Variants in LIMCH1 observed in about 807,000 individuals in gnomAD.
LIMCH1 encodes the protein LIM and calponin homology domains 1, also known as LIM and calponin homology domains-containing protein 1.
In LIMCH1, 113 loss-of-function variants were observed where a neutral mutation model predicts 176.5. The ratio of observed to expected loss-of-function variants is 0.64; its 90% CI spans 0.55 to 0.75. LIMCH1 has a LOEUF of 0.75. Ranked by LOEUF, LIMCH1 falls within the 30% of genes least tolerant of loss-of-function variation. The pLI, the probability that LIMCH1 is intolerant of heterozygous loss-of-function variation, is 0.00. For synonymous variants in LIMCH1, 619 were observed against 645.9 expected (o/e 0.96, Z 0.63); for missense variants, 1,674 against 1,814.9 (o/e 0.92, Z 1.41).
In LIMCH1 at chr4:41,552,355, C is replaced by T. The variant is rs1199397639; in HGVS notation, c.-241+14005C>T. Among the ~76,000 whole-genome samples the T allele has an allele frequency of 7.2e-5, 11 of 152,156 alleles. 1 individual carries two copies. Among genetic ancestry groups the T allele is most frequent in the Admixed American group, 7.2e-4 (11 of 15,268 alleles). The stretch of plus-strand genomic sequence containing the variant: ...GACAGGGCCCTCTATCTGTGTGGTG[C>T]ATCCTTTATATCTCCATATACTGAT... On this transcript the variant is annotated intron_variant, in intron 1 of 31. Transcript: ENST00000503057.
At chr4:41,499,580 A>G (rs2072856098) in intron 2 of LIMCH1, among the ~76,000 whole-genome samples, 1 of 152,146 alleles carries the variant, frequency 6.6e-6, no homozygotes, top group African/African-American at 2.4e-5. Flanking sequence ...AGCACTTTGG[A>G]AGGGCAAGGT....
intron 5 of LIMCH1, among the ~76,000 whole-genome samples, chr4:41,617,637 G>A (rs763630329): frequency 5.9e-5 from 9 of 152,132 alleles, no homozygotes; most frequent in Non-Finnish European, 1.3e-4. Context: ...AAAGCATGTG[G>A]CATGAATAAT....
At chr4:41,568,802 A>G (rs1334915573) in intron 1 of LIMCH1, among the ~76,000 whole-genome samples, 2 of 152,170 alleles carry the variant, frequency 1.3e-5, no homozygotes, top group East Asian at 3.9e-4. Context: ...AACATTTAAA[A>G]GTTTTCTCTC....
chr4:41,409,684 G>A (rs1040354274), intron 1 of LIMCH1, among the ~76,000 whole-genome samples: 1 of 152,064 alleles, frequency 6.6e-6, no homozygotes, highest in African/African-American at 2.4e-5. Context: ...TATAAATGAG[G>A]TCCCGATACA....
intron 5 of LIMCH1, among the ~76,000 whole-genome samples, chr4:41,618,382 T>C (rs1446019925): frequency 1.3e-5 from 2 of 152,224 alleles, no homozygotes; most frequent in African/African-American, 4.8e-5. Flanking sequence ...TCCTTTGTGT[T>C]GTTTAAAACA....
intron 1 of LIMCH1, among the ~76,000 whole-genome samples, chr4:41,588,865 A>G (rs28391694): frequency 0.35 from 53,038 of 152,052 alleles, 14,816 homozygotes; most frequent in African/African-American, 0.78. Flanking sequence ...CTTAGCAAAG[A>G]AGGAGGGAGG....
At chr4:41,420,106 G>A (rs1305482386) in intron 1 of LIMCH1, among the ~76,000 whole-genome samples, 1 of 152,084 alleles carries the variant, frequency 6.6e-6, no homozygotes, top group African/African-American at 2.4e-5. Context: ...TGTGGAGCTG[G>A]CCCTTCAGCT....
intron 1 of LIMCH1, among the ~76,000 whole-genome samples, chr4:41,570,556 TG>T (rs1427912386): frequency 6.6e-6 from 1 of 152,214 alleles, no homozygotes; most frequent in African/African-American, 2.4e-5. Flanking sequence ...TGAGGAAGAA[TG>T]AATCCTGGTT....
At chr4:41,682,967 A>G (rs1459561386) in intron 26 of LIMCH1, among the ~76,000 whole-genome samples, 7 of 152,138 alleles carry the variant, frequency 4.6e-5, no homozygotes, top group Admixed American at 4.6e-4. Context: ...GTGAGCCACC[A>G]TGCCTGGCCT....
At chr4:41,503,118 G>C (rs145464827) in intron 2 of LIMCH1, among the ~76,000 whole-genome samples, 1 of 152,082 alleles carries the variant, frequency 6.6e-6, no homozygotes, top group African/African-American at 2.4e-5. Context: ...GACAAAGTTG[G>C]CTACTATTAG....
intron 1 of LIMCH1, among the ~76,000 whole-genome samples, chr4:41,384,210 CTT>C (rs112813036): frequency 6.9e-6 from 1 of 144,502 alleles, no homozygotes; most frequent in Non-Finnish European, 1.5e-5. Context: ...ATCCTGCTTT[CTT>C]TTTTTTTTTT....
At chr4:41,582,029 G>T (rs908764022) in intron 1 of LIMCH1, among the ~76,000 whole-genome samples, 5 of 152,060 alleles carry the variant, frequency 3.3e-5, no homozygotes, top group African/African-American at 1.2e-4. Flanking sequence ...CACATAGGTT[G>T]TTCCCATATT....
At chr4:41,598,440 A>C (rs887556605) in intron 1 of LIMCH1, among the ~76,000 whole-genome samples, 1 of 152,130 alleles carries the variant, frequency 6.6e-6, no homozygotes, top group Non-Finnish European at 1.5e-5. Context: ...TACTAGTCAA[A>C]ATCCCTAAAG....
At chr4:41,534,012 G>A (rs77577914), upstream of LIMCH1, among the ~76,000 whole-genome samples, 1,232 of 152,318 alleles carry the variant, frequency 8.1e-3, 25 homozygotes, top group African/African-American at 0.029. Flanking sequence ...ATGCCATCTG[G>A]GGGTGTTTGG....
At chr4:41,416,102 C>A (rs1056356992) in intron 1 of LIMCH1, among the ~76,000 whole-genome samples, 3 of 152,104 alleles carry the variant, frequency 2.0e-5, no homozygotes, top group Non-Finnish European at 4.4e-5. Flanking sequence ...GATTGTGTGA[C>A]CAGCGTCAAG....
At position 41,699,731 on chromosome 4, in the gene LIMCH1, CTTTT is replaced by C. The variant is rs34067601; in HGVS notation, c.*2548_*2551del. 6.6e-6 allele frequency: 1 copy of C among 152,052 alleles called. No homozygotes were observed. Among genetic ancestry groups the C allele is most frequent in the South Asian group, 2.1e-4 (1 of 4,834 alleles). 9.4% of individuals were successfully genotyped at this position (152,052 alleles called of 1,614,324 possible). On this transcript the variant is annotated 3_prime_UTR_variant, in exon 32 of 32. Transcript: ENST00000503057. The stretch of plus-strand genomic sequence containing the variant: ...ACTCTTTAATAAAAATAATGGGTAA[CTTTT>C]TGTTTTTCACTAGCGAACTTCCATG...
intron 21 of LIMCH1, chr4:41,671,176 C>T (rs1367445427): frequency 5.1e-6 from 1 of 197,096 alleles, no homozygotes; most frequent in African/African-American, 2.4e-5. Context: ...TGGTACTTCT[C>T]CATGCCAGAC....
chr4:41,479,360 T>G lies in LIMCH1; in HGVS notation c.97-15176T>G, dbSNP rs543310675. Among the ~76,000 whole-genome samples the G allele has an allele frequency of 4.2e-4, 64 of 152,330 alleles. 1 individual carries two copies. Among genetic ancestry groups the G allele is most frequent in the African/African-American group, 1.1e-3 (46 of 41,570 alleles). Reference sequence around the variant, plus strand: ...CTCCAACTCTTGGCTCAAGCTGTCCTCTTGCCTCAGCCTCCCAAGTAGCTG... The same window carrying G: ...CTCCAACTCTTGGCTCAAGCTGTCCGCTTGCCTCAGCCTCCCAAGTAGCTG... On this transcript the variant is annotated intron_variant, in intron 1 of 26. Coordinates refer to the LIMCH1 transcript ENST00000313860.
chr4:41,489,605 G>A (rs2070364668), intron 1 of LIMCH1, among the ~76,000 whole-genome samples: 1 of 151,994 alleles, frequency 6.6e-6, no homozygotes, highest in African/African-American at 2.4e-5. Flanking sequence ...TGATATTTCT[G>A]TTATTAGCTT....
Sources: allele counts gnomAD v4.1 joint callset (sites outside exome capture counted in the v4.1 genomes callset), GRCh38; gene constraint gnomAD v4.1.1; transcripts MANE v1.5; gene names NCBI Gene and HGNC (gene_info 2026-07-23, HGNC 2026-07-21).